CCSER1: variants seen among roughly 807,000 people sequenced by gnomAD.
CCSER1 encodes the protein coiled-coil serine rich protein 1, also known as serine-rich coiled-coil domain-containing protein 1.
Under a neutral mutation model 82.0 loss-of-function variants are expected in CCSER1, and 41 were observed. That is an observed-to-expected ratio of 0.50 (90% CI 0.39 to 0.65). CCSER1 has a LOEUF of 0.65. Ranked by LOEUF, CCSER1 falls within the 30% of genes least tolerant of loss-of-function variation. The probability of loss-of-function intolerance (pLI) is 0.00; values close to 1 mark genes in which losing one functional copy is unlikely to be tolerated. For missense variants in CCSER1, 1,119 were observed against 1,064.2 expected (o/e 1.05, Z -0.72); for synonymous variants, 414 against 383.9 (o/e 1.08, Z -0.92).
chr4:91,200,212 A>G (rs925202054), intron 10 of CCSER1, among the ~76,000 whole-genome samples: 3 of 152,104 alleles, frequency 2.0e-5, no homozygotes, highest in Non-Finnish European at 4.4e-5. Context: ...AAATTTTCAA[A>G]AGAAAGATTG....
intron 3 of CCSER1, among the ~76,000 whole-genome samples, chr4:90,365,379 A>C (rs971887119): frequency 6.6e-6 from 1 of 151,810 alleles, no homozygotes; most frequent in South Asian, 2.1e-4. Context: ...GCATATATAC[A>C]TATACACATA....
At chr4:90,289,960 C>T (rs1730609540) in intron 1 of CCSER1, among the ~76,000 whole-genome samples, 1 of 151,544 alleles carries the variant, frequency 6.6e-6, no homozygotes, top group East Asian at 1.9e-4. Flanking sequence ...AGAGCAGAAA[C>T]CAAAATCCAA....
intron 2 of CCSER1, 122 bp from the exon 3 acceptor site, chr4:90,312,741 G>C: frequency 2.6e-6 from 2 of 769,288 alleles, no homozygotes; most frequent in Non-Finnish European, 4.2e-6. Context: ...ACATTTAAAA[G>C]TTTTCTTGTG....
chr4:91,513,048 T>C (rs943442241), intron 10 of CCSER1, among the ~76,000 whole-genome samples: 1 of 152,162 alleles, frequency 6.6e-6, no homozygotes, highest in Non-Finnish European at 1.5e-5. Context: ...GTTCCAGTTC[T>C]CAAGGGAAAT....
intron 5 of CCSER1, among the ~76,000 whole-genome samples, chr4:90,490,374 T>A (rs1416269688): frequency 2.6e-5 from 4 of 152,104 alleles, no homozygotes; most frequent in Non-Finnish European, 5.9e-5. Context: ...GGGTTGTTTG[T>A]TTTTTTCTTG....
intron 6 of CCSER1, among the ~76,000 whole-genome samples, chr4:90,655,399 A>T (rs1423023473): frequency 6.6e-6 from 1 of 151,826 alleles, no homozygotes; most frequent in South Asian, 2.1e-4. Flanking sequence ...ATGGCTTTTG[A>T]TAGTTATTTA....
chr4:90,147,141 CATGTGTAAGACACTTTACTGTGTCTTTCT>C (rs1725958282), intron 1 of CCSER1, among the ~76,000 whole-genome samples: 1 of 142,972 alleles, frequency 7.0e-6, no homozygotes, highest in Non-Finnish European at 1.6e-5. Context: ...TAATGCTTTC[CATGTGTAAGACACTTTACTGTGTCTTTCT>C]GTGTGTAAGA....
intron 10 of CCSER1, among the ~76,000 whole-genome samples, chr4:91,108,255 A>G (rs1165880914): frequency 1.3e-5 from 2 of 152,224 alleles, no homozygotes; most frequent in African/African-American, 4.8e-5. Flanking sequence ...TTTGTAAGCT[A>G]TAGAGACAGG....
At chr4:90,273,964 A>G (rs1727068777) in intron 1 of CCSER1, among the ~76,000 whole-genome samples, 1 of 152,236 alleles carries the variant, frequency 6.6e-6, no homozygotes, top group South Asian at 2.1e-4. Flanking sequence ...TGCATATTTG[A>G]GTAATGCAAA....
chr4:91,450,270 C>G (rs1234145863), intron 10 of CCSER1, among the ~76,000 whole-genome samples: 1 of 151,880 alleles, frequency 6.6e-6, no homozygotes, highest in Non-Finnish European at 1.5e-5. Flanking sequence ...TTTAGAAACA[C>G]AGAGCAGAGA....
At chr4:91,222,929 A>G (rs1366084281) in intron 10 of CCSER1, among the ~76,000 whole-genome samples, 1 of 151,196 alleles carries the variant, frequency 6.6e-6, no homozygotes, top group Non-Finnish European at 1.5e-5. Context: ...AAAAATAGAG[A>G]TATTATCAAT....
intron 9 of CCSER1, among the ~76,000 whole-genome samples, chr4:91,054,688 A>G (rs1029877342): frequency 6.6e-6 from 1 of 150,468 alleles, no homozygotes; most frequent in Non-Finnish European, 1.5e-5. Context: ...GACAAGCAGT[A>G]TCTCAGATTT....
chr4:90,564,269 TG>T (rs1211715455), intron 5 of CCSER1, among the ~76,000 whole-genome samples: 1 of 152,136 alleles, frequency 6.6e-6, no homozygotes, highest in Admixed American at 6.5e-5. Flanking sequence ...TTGCTCAGGC[TG>T]GTCTTGAACT....
At chr4:90,521,399 T>A (rs1422392715) in intron 5 of CCSER1, among the ~76,000 whole-genome samples, 1 of 152,134 alleles carries the variant, frequency 6.6e-6, no homozygotes, top group African/African-American at 2.4e-5. Context: ...AGAACAAATA[T>A]AATACAAAAG....
At chr4:90,313,599 A>G (rs771687584) in intron 3 of CCSER1, among the ~76,000 whole-genome samples, 2 of 152,096 alleles carry the variant, frequency 1.3e-5, no homozygotes, top group Non-Finnish European at 2.9e-5. Flanking sequence ...TCCAAATTGT[A>G]GAGCCTGCTT....
rs1435406550 is a variant in CCSER1 at position 90,977,071 on chromosome 4, G to C, written c.2172+53624G>C. Among the ~76,000 whole-genome samples the C allele has an allele frequency of 2.0e-5, 3 of 151,442 alleles. No homozygotes were observed. The Admixed American group carries it at 2.0e-4, about 10-fold the overall frequency. ...GTTTAAAATGCTTTAGTTTTTATTG[G>C]TACCAACCTTTTGTTCTCTGCCTCT... On this transcript the variant is annotated intron_variant, in intron 9 of 10. Transcript: ENST00000509176.
chr4:90,477,885 A>C (rs1335003850), intron 5 of CCSER1, among the ~76,000 whole-genome samples: 1 of 152,146 alleles, frequency 6.6e-6, no homozygotes, highest in Non-Finnish European at 1.5e-5. Flanking sequence ...ATTTACTGTT[A>C]ATATTTTAAT....
chr4:90,915,069 T>G (rs894464517), intron 8 of CCSER1, among the ~76,000 whole-genome samples: 1 of 152,156 alleles, frequency 6.6e-6, no homozygotes, highest in Non-Finnish European at 1.5e-5. Flanking sequence ...GATTCACAGC[T>G]GAATTCTACC....
chr4:90,481,413 T>C (rs1457120764), intron 5 of CCSER1, among the ~76,000 whole-genome samples: 2 of 152,218 alleles, frequency 1.3e-5, no homozygotes, highest in Non-Finnish European at 2.9e-5. Flanking sequence ...CTATGCTGAA[T>C]AGGAGTGGTA....
Sources: gnomAD v4.1 joint callset for allele counts (sites outside exome capture counted in the v4.1 genomes callset) on GRCh38, gnomAD v4.1.1 for gene constraint, MANE v1.5 for transcripts, NCBI Gene and HGNC (gene_info 2026-07-23, HGNC 2026-07-21) for gene names.